The following UGGT2 variants were observed in gnomAD, a reference collection of about 807,000 sequenced individuals.
UGGT2 encodes the protein UDP-glucose glycoprotein glucosyltransferase 2, also known as UDP-glucose:glycoprotein glucosyltransferase 2.
In UGGT2, 180 loss-of-function variants were observed where a neutral mutation model predicts 192.1. That is an observed-to-expected ratio of 0.94 (90% CI 0.83 to 1.06). UGGT2 has a LOEUF of 1.06. Ranked by LOEUF, UGGT2 falls within the 50% of genes least tolerant of loss-of-function variation. The pLI, the probability that UGGT2 is intolerant of heterozygous loss-of-function variation, is 0.00. For synonymous variants in UGGT2, 580 were observed against 591.0 expected (o/e 0.98, Z 0.27); for missense variants, 1,849 against 1,795.7 (o/e 1.03, Z -0.54).
intron 38 of UGGT2, among the ~76,000 whole-genome samples, chr13:95,814,248 T>C (rs1287786198): frequency 6.6e-6 from 1 of 152,132 alleles, no homozygotes. Context: ...ACCTTCAGTG[T>C]GGAAAAGCTG....
chr13:95,898,616 C>T (rs563464595), intron 22 of UGGT2, among the ~76,000 whole-genome samples: 1 of 152,116 alleles, frequency 6.6e-6, no homozygotes, highest in Non-Finnish European at 1.5e-5. Flanking sequence ...ATCCCCAATG[C>T]AACAGTGTTG....
intron 34 of UGGT2, among the ~76,000 whole-genome samples, chr13:95,855,098 C>T (rs1463429920): frequency 7.5e-6 from 1 of 133,578 alleles, no homozygotes; most frequent in African/African-American, 2.9e-5. Context: ...ACAGTGAGAC[C>T]CTGTCTGTAA....
intron 20 of UGGT2, among the ~76,000 whole-genome samples, chr13:95,908,191 C>T (rs143230874): frequency 3.3e-4 from 50 of 152,068 alleles, no homozygotes; most frequent in African/African-American, 1.1e-3. Context: ...AGAAGACAAG[C>T]TTAGAGAAAA....
chr13:95,872,002 C>T (rs559818245), intron 29 of UGGT2, among the ~76,000 whole-genome samples: 30 of 152,204 alleles, frequency 2.0e-4, no homozygotes, highest in African/African-American at 6.5e-4. Flanking sequence ...AGTTCAGTCT[C>T]AAAGGTACCA....
chr13:95,906,886 G>C (rs930428691), intron 20 of UGGT2, among the ~76,000 whole-genome samples: 4 of 152,156 alleles, frequency 2.6e-5, no homozygotes, highest in Non-Finnish European at 5.9e-5. Flanking sequence ...GGTGATTCCT[G>C]CATTTCCAGC....
intron 31 of UGGT2, 200 bp downstream of exon 31, chr13:95,863,429 T>G: frequency 2.2e-6 from 1 of 460,882 alleles, no homozygotes. Context: ...TCTCCATTGG[T>G]TTGTATAGTA....
At chr13:96,048,053 G>C (rs138884811) in intron 1 of UGGT2, among the ~76,000 whole-genome samples, 4 of 152,028 alleles carry the variant, frequency 2.6e-5, no homozygotes, top group Non-Finnish European at 5.9e-5. Flanking sequence ...GCACCACACC[G>C]CACTTATTCC....
At position 95,939,945 on chromosome 13, in the gene UGGT2, G is replaced by T. The variant is rs767292130; in HGVS notation, c.1812+12C>A. On this transcript the variant is annotated intron_variant, in intron 16 of 38. Transcript: ENST00000376747. ...CCTGGCCTACTCCACTTAACATAAT[G>T]TCCCAACTTACCTTTCTTTCTTCAT... 1 of 1,587,352 alleles carries T rather than the reference G, an allele frequency of 6.3e-7. No homozygotes were observed. The highest frequency in any genetic ancestry group is 8.6e-7 in the Non-Finnish European group (1 of 1,165,784).
intron 25 of UGGT2, among the ~76,000 whole-genome samples, chr13:95,890,448 A>C (rs1184423476): frequency 6.6e-6 from 1 of 152,124 alleles, no homozygotes; most frequent in South Asian, 2.1e-4. Context: ...TGTGTGCTCA[A>C]ATAACCTCTT....
Position 95,983,793 on chromosome 13 carries a change from T to A in UGGT2, c.1092+11A>T. The A allele has an allele frequency of 6.5e-7, 1 of 1,534,992 alleles. No individual in the cohort carries two copies. Among genetic ancestry groups the A allele is most frequent in the Non-Finnish European group, 8.8e-7 (1 of 1,133,448 alleles). Reference sequence around the variant, plus strand: ...TTGGGTAAATGTTTTAAAAAAGGAATTCAAACAAACCTTTTGATTTTCCTT... The same window carrying A: ...TTGGGTAAATGTTTTAAAAAAGGAAATCAAACAAACCTTTTGATTTTCCTT... On this transcript the variant is annotated intron_variant, in intron 10 of 38. Transcript: ENST00000376747.
intron 38 of UGGT2, among the ~76,000 whole-genome samples, chr13:95,817,910 A>C (rs1885072485): frequency 6.6e-6 from 1 of 152,144 alleles, no homozygotes; most frequent in Non-Finnish European, 1.5e-5. Flanking sequence ...TGAAAACAAC[A>C]ACTTCTCTTT....
At chr13:95,853,686 C>G in intron 35 of UGGT2, 29 bp from the exon 36 acceptor site, 1 of 1,486,212 alleles carries the variant, frequency 6.7e-7, no homozygotes, top group Non-Finnish European at 9.0e-7. Context: ...TCTTGATAGC[C>G]TATGTTGTTT....
intron 4 of UGGT2, among the ~76,000 whole-genome samples, chr13:96,015,134 C>T (rs752775068): frequency 2.0e-5 from 3 of 151,724 alleles, no homozygotes; most frequent in African/African-American, 4.8e-5. Context: ...AAAAATTAGC[C>T]GGGCGTGGTG....
chr13:95,967,024 A>T (rs1454972378), intron 12 of UGGT2, among the ~76,000 whole-genome samples: 1 of 152,212 alleles, frequency 6.6e-6, no homozygotes, highest in African/African-American at 2.4e-5. Flanking sequence ...TTTGTTTTCA[A>T]AATATGTAGT....
At chr13:95,877,032 C>T (rs1020978271) in intron 29 of UGGT2, 45 of 327,576 alleles carry the variant, frequency 1.4e-4, no homozygotes, top group Middle Eastern at 1.6e-3. Flanking sequence ...TACAGGTGTG[C>T]GCCACCATGT....
chr13:95,803,662 T>C (rs1884170882), intron 38 of UGGT2, among the ~76,000 whole-genome samples: 1 of 152,172 alleles, frequency 6.6e-6, no homozygotes, highest in African/African-American at 2.4e-5. Flanking sequence ...TCCATGACCA[T>C]ACACCTAGAA....
rs190105992 is a variant in UGGT2, at chr13:96,024,539, T to C, written c.242-780A>G. On this transcript the variant is annotated intron_variant, in intron 2 of 38. Coordinates refer to ENST00000376747, the MANE Select transcript of UGGT2 (RefSeq NM_020121.4). ...CTCTACTCTTCCCTGGGTGTAACCA[T>C]TGACTGCATTGTGTCAGAAAACTGT... 1.6e-3 allele frequency among the ~76,000 whole-genome samples: 246 copies of C among 152,274 alleles called. 1 individual carries two copies. The highest frequency in any genetic ancestry group is 5.8e-3 in the African/African-American group (239 of 41,556).
In UGGT2 at chr13:95,936,959, C is replaced by A; in HGVS notation, c.1942G>T (p.Asp648Tyr). ...LKMAVLQRMM[D>Y]ASVYLQREVF... ...TCTCTTTGTAAATATACAGATGCAT[C>A]CATCATTCTTTGAAGAACAGCCATT... is the stretch of plus-strand genomic sequence containing the variant. Residue 648 changes from aspartate (D) to tyrosine (Y), a missense_variant, in exon 17 of 39, where the codon GAT becomes TAT. Physicochemically the swap from Asp to Tyr is radical, Grantham distance 160. Coordinates refer to ENST00000376747, the MANE Select transcript of UGGT2 (RefSeq NM_020121.4). The A allele has an allele frequency of 6.3e-7, 1 of 1,592,480 alleles. No homozygotes were observed. The highest frequency in any genetic ancestry group is 8.5e-7 in the Non-Finnish European group (1 of 1,174,662).
At chr13:95,948,204 G>C in intron 13 of UGGT2, 123 bp from the exon 14 acceptor site, 3 of 459,652 alleles carry the variant, frequency 6.5e-6, no homozygotes, top group Non-Finnish European at 1.2e-5. Flanking sequence ...AGAAATTCTA[G>C]CAATTCTAAG....
Sources: allele counts gnomAD v4.1 joint callset (sites outside exome capture counted in the v4.1 genomes callset), GRCh38; gene constraint gnomAD v4.1.1; transcripts MANE v1.5; gene names NCBI Gene and HGNC (gene_info 2026-07-23, HGNC 2026-07-21).